CELF5: variants seen among roughly 807,000 people sequenced by gnomAD.
CELF5 encodes CUG-BP and ETR-3 like factor 5.
CELF5 carries 6 observed loss-of-function variants against 54.9 expected under a neutral mutation model. The ratio of observed to expected loss-of-function variants is 0.11; its 90% CI spans 0.06 to 0.22. CELF5 has a LOEUF of 0.22. Ranked by LOEUF, CELF5 falls within the 10% of genes least tolerant of loss-of-function variation. CELF5 has a pLI of 1.00. For missense variants in CELF5, 401 were observed against 678.6 expected, an observed-to-expected ratio of 0.59 and a Z score of 4.54; for synonymous variants, 271 against 290.9, an observed-to-expected ratio of 0.93 and a Z score of 0.70.
chr19:3,285,404 G>A (rs2080224077), intron 9 of CELF5, among the ~76,000 whole-genome samples: 1 of 145,434 alleles, frequency 6.9e-6, no homozygotes, highest in South Asian at 2.2e-4. Context: ...CCTACCTCTG[G>A]CTCTACTTCT....
chr19:3,289,013 A>C (rs2080298338), intron 10 of CELF5, among the ~76,000 whole-genome samples: 1 of 152,216 alleles, frequency 6.6e-6, no homozygotes. Flanking sequence ...TTTTTATATT[A>C]GCCATCCATC....
At chr19:3,226,730 G>T (rs562505686) in intron 1 of CELF5, among the ~76,000 whole-genome samples, 1 of 151,790 alleles carries the variant, frequency 6.6e-6, no homozygotes, top group African/African-American at 2.4e-5. Flanking sequence ...ACAGGTGGGG[G>T]TGCAGGGACT....
intron 1 of CELF5, among the ~76,000 whole-genome samples, chr19:3,235,390 T>C: frequency 6.6e-6 from 1 of 151,456 alleles, no homozygotes. Context: ...TTTTTCTCCT[T>C]CCTAATAGAC....
At position 3,282,597 on chromosome 19, in the gene CELF5, A is replaced by G; in HGVS notation, c.1039+99A>G. On this transcript the variant is annotated intron_variant, in intron 8 of 12. Transcript: ENST00000292672. The surrounding 1 kb of genome is among the most constrained non-coding windows in gnomAD (Gnocchi z 5.2). ...GTCCCTACATCACAGTGCCCAGGGAACAGAAGGGCAGGAAAAAGGGTGTCT... is the reference window on the plus strand; with the variant it reads ...GTCCCTACATCACAGTGCCCAGGGAGCAGAAGGGCAGGAAAAAGGGTGTCT... 2.2e-6 allele frequency: 3 copies of G among 1,369,976 alleles called. No homozygotes were observed. Among genetic ancestry groups the G allele is most frequent in the Non-Finnish European group, 3.0e-6 (3 of 1,010,658 alleles). 84.9% of individuals were successfully genotyped at this position (1,369,976 alleles called of 1,614,324 possible). A position where few individuals can be genotyped will look rare whatever the true frequency, so the allele number is the denominator to read the frequency against.
intron 10 of CELF5, 199 bp downstream of exon 10, chr19:3,286,224 A>G (rs1301543220): frequency 1.9e-6 from 1 of 513,938 alleles, no homozygotes; most frequent in East Asian, 3.5e-5. Context: ...CTCCGAAAAG[A>G]GAACCATGCT....
intron 11 of CELF5, among the ~76,000 whole-genome samples, chr19:3,292,550 C>G (rs1183289734): frequency 6.6e-6 from 1 of 152,256 alleles, no homozygotes; most frequent in African/African-American, 2.4e-5. Context: ...TCCCAAGGTG[C>G]TGGGATTACA....
chr19:3,249,802 G>T (rs1172863288), intron 1 of CELF5, among the ~76,000 whole-genome samples: 1 of 152,190 alleles, frequency 6.6e-6, no homozygotes, highest in African/African-American at 2.4e-5. Flanking sequence ...CATGATCCAA[G>T]GCTACACTGC....
intron 1 of CELF5, among the ~76,000 whole-genome samples, chr19:3,235,075 C>T (rs531506215): frequency 2.0e-5 from 3 of 152,278 alleles, no homozygotes; most frequent in African/African-American, 4.8e-5. Context: ...CTCTCCTCCT[C>T]GCTCCCTCTG....
intron 4 of CELF5, among the ~76,000 whole-genome samples, chr19:3,276,299 T>G (rs1366662088): frequency 3.6e-4 from 17 of 47,086 alleles, no homozygotes; most frequent in South Asian, 2.9e-3. Context: ...GGTGGGCCCT[T>G]GGGGAGAGGT....
At chr19:3,271,460 T>A (rs1347724443) in intron 2 of CELF5, among the ~76,000 whole-genome samples, 3 of 151,924 alleles carry the variant, frequency 2.0e-5, no homozygotes, top group Admixed American at 6.6e-5. Context: ...GTGATCAGGG[T>A]CCCTCTGAGG....
chr19:3,247,979 G>T (rs762170507), intron 1 of CELF5, among the ~76,000 whole-genome samples: 2 of 151,836 alleles, frequency 1.3e-5, no homozygotes, highest in Non-Finnish European at 2.9e-5. Flanking sequence ...GGGCCAGGCT[G>T]GTCTTGAACT....
rs903066826 is a variant in CELF5 at position 3,282,335 on chromosome 19, C to A, written c.893-17C>A. On this transcript the variant is annotated splice_polypyrimidine_tract_variant and intron_variant, in intron 7 of 12. Transcript: ENST00000292672. This position sits in a 1 kb window ranked among gnomAD's most constrained non-coding sequence, Gnocchi z 5.2. ...GAGCCAGAACTGGCCTCCCCATGAC[C>A]CTCTTCCGCTCTGCAGGGCTGCACT... is the stretch of plus-strand genomic sequence containing the variant. 2.5e-6 allele frequency: 4 copies of A among 1,608,488 alleles called. No individual in the cohort carries two copies. Among genetic ancestry groups the A allele is most frequent in the African/African-American group, 1.3e-5 (1 of 75,056 alleles).
chr19:3,248,902 C>CTTCCTTCCTTCT (rs1555719718), intron 1 of CELF5, among the ~76,000 whole-genome samples: 3 of 122,772 alleles, frequency 2.4e-5, no homozygotes, highest in African/African-American at 8.9e-5. Flanking sequence ...TCCTTCCTTC[C>CTTCCTTCCTTCT]TTCCTTTCTT....
At chr19:3,257,229 T>C (rs1022259589) in intron 2 of CELF5, among the ~76,000 whole-genome samples, 1 of 152,016 alleles carries the variant, frequency 6.6e-6, no homozygotes, top group Non-Finnish European at 1.5e-5. Flanking sequence ...GAACGGCCAG[T>C]GCAAAGGCCC....
At position 3,264,519 on chromosome 19, in the gene CELF5, T is replaced by C. The variant is rs528988826; in HGVS notation, c.343-9353T>C. Among the ~76,000 whole-genome samples the C allele has an allele frequency of 2.0e-5, 3 of 151,560 alleles. No individual in the cohort carries two copies. In the South Asian group the frequency reaches 6.3e-4, roughly 32 times the overall value. The stretch of plus-strand genomic sequence containing the variant: ...CAAGCTTGGCCTCCCGGGTTCACGC[T>C]ATTCTCCTGCCTCAGCCTCCCGAGT... On this transcript the variant is annotated intron_variant, in intron 2 of 12. Coordinates refer to ENST00000292672, the MANE Select transcript of CELF5 (RefSeq NM_021938.4).
rs35144942 is a variant in CELF5, at chr19:3,289,681, C to CAAAAAAAAAAAAAA, written c.1187-529_1187-516dup. ...TGGGCGACAGAGCGAGACTCCATCTCAAAAAAAAAAAAAAAAAAAAAAAAA... is the reference window on the plus strand; with the variant it reads ...TGGGCGACAGAGCGAGACTCCATCTCAAAAAAAAAAAAAAAAAAAAAAAAAAAAAAAAAAAAAAA... On this transcript the variant is annotated intron_variant, in intron 10 of 12. Transcript: ENST00000292672. 6.8e-4 allele frequency among the ~76,000 whole-genome samples: 32 copies of CAAAAAAAAAAAAAA among 47,140 alleles called. 4 individuals are homozygous for CAAAAAAAAAAAAAA. The highest frequency in any genetic ancestry group is 1.4e-3 in the African/African-American group (14 of 10,012). The allele number at this position is 47,140 out of a possible 152,430, so 30.9% of individuals were successfully genotyped here.
chr19:3,278,194 C>T lies in CELF5; in HGVS notation c.603+84C>T, dbSNP rs573468279. 96 of 975,376 alleles carry T rather than the reference C, an allele frequency of 9.8e-5. No homozygotes were observed. In the African/African-American group the frequency reaches 1.3e-3, roughly 13 times the overall value. 60.4% of individuals were successfully genotyped at this position (975,376 alleles called of 1,614,324 possible). On this transcript the variant is annotated intron_variant, in intron 5 of 12. Coordinates refer to ENST00000292672, the MANE Select transcript of CELF5 (RefSeq NM_021938.4). The surrounding 1 kb of genome is among the most constrained non-coding windows in gnomAD (Gnocchi z 4.5). ...GGGATGAAACAGGCCATATTCCTAC[C>T]GTCGCTGTCATCCGGTAGCCCCTGG...
intron 1 of CELF5, among the ~76,000 whole-genome samples, chr19:3,242,754 C>T (rs937661797): frequency 1.3e-5 from 2 of 151,888 alleles, no homozygotes; most frequent in Non-Finnish European, 2.9e-5. Context: ...TACAGTGAGC[C>T]GAGATTGTGC....
intron 2 of CELF5, among the ~76,000 whole-genome samples, chr19:3,255,481 C>T (rs2079712052): frequency 6.6e-6 from 1 of 152,074 alleles, no homozygotes; most frequent in African/African-American, 2.4e-5. Context: ...ATTGAGCCTA[C>T]TGCCCCCGAC....
Sources: gnomAD v4.1 joint callset for allele counts (sites outside exome capture counted in the v4.1 genomes callset) on GRCh38, gnomAD v4.1.1 for gene constraint, Gnocchi (gnomAD v3.1) non-coding constraint, MANE v1.5 for transcripts, NCBI Gene and HGNC (gene_info 2026-07-23, HGNC 2026-07-21) for gene names.